CCNJL: variants seen among roughly 807,000 people sequenced by gnomAD.
The protein encoded by CCNJL is cyclin-J-like protein.
CCNJL carries 33 observed loss-of-function variants against 33.4 expected under a neutral mutation model. The ratio of observed to expected loss-of-function variants is 0.99; its 90% CI spans 0.75 to 1.32. CCNJL has a LOEUF of 1.32. CCNJL is among the 40% of genes most tolerant of loss of function. The pLI, the probability that CCNJL is intolerant of heterozygous loss-of-function variation, is 0.00. For missense variants in CCNJL, 512 were observed against 499.7 expected (o/e 1.02, Z -0.23); for synonymous variants, 227 against 220.9 (o/e 1.03, Z -0.24).
intron 1 of CCNJL, among the ~76,000 whole-genome samples, chr5:160,321,531 C>T (rs554192638): frequency 1.8e-4 from 28 of 152,312 alleles, no homozygotes; most frequent in African/African-American, 5.8e-4. Flanking sequence ...CGGTCGCAGC[C>T]GCTCAGCTGA....
chr5:160,291,886 T>C (rs1047965839), intron 2 of CCNJL, among the ~76,000 whole-genome samples: 4 of 152,116 alleles, frequency 2.6e-5, no homozygotes, highest in Non-Finnish European at 5.9e-5. Flanking sequence ...TTATATATTA[T>C]GTATATAATA....
intron 3 of CCNJL, among the ~76,000 whole-genome samples, chr5:160,267,189 C>T (rs937958207): frequency 6.6e-6 from 1 of 152,154 alleles, no homozygotes; most frequent in Admixed American, 6.5e-5. Context: ...TGCTGGCAGA[C>T]CCTGGACCAC....
chr5:160,269,061 G>T (rs186098456), intron 3 of CCNJL, among the ~76,000 whole-genome samples: 6 of 152,358 alleles, frequency 3.9e-5, no homozygotes, highest in Non-Finnish European at 7.3e-5. Flanking sequence ...TTTAAAAAGA[G>T]ACCAGAGGTG....
At chr5:160,285,558 T>C (rs1052399770) in intron 2 of CCNJL, among the ~76,000 whole-genome samples, 5 of 151,906 alleles carry the variant, frequency 3.3e-5, no homozygotes, top group Non-Finnish European at 7.4e-5. Context: ...CTCTACAGAG[T>C]AGCAAGTCCA....
intron 3 of CCNJL, chr5:160,261,109 C>T (rs1490241212): frequency 1.3e-5 from 2 of 152,420 alleles, no homozygotes; most frequent in Non-Finnish European, 2.9e-5. Flanking sequence ...GCCTCTGACC[C>T]AGTTCCCATC....
chr5:160,314,374 A>G (rs1409204106), upstream of CCNJL, among the ~76,000 whole-genome samples: 1 of 152,250 alleles, frequency 6.6e-6, no homozygotes, highest in Non-Finnish European at 1.5e-5. Flanking sequence ...TTGTTGGGAC[A>G]AGTATAAACG....
chr5:160,253,781 A>G lies in CCNJL; in HGVS notation c.761T>C (p.Leu254Pro), dbSNP rs1371047965. Residue 254 changes from leucine (L) to proline (P), a missense_variant, in exon 6 of 6, where the codon CTC (leucine) becomes CCC (proline). Coordinates refer to ENST00000257536, the MANE Select transcript of CCNJL (RefSeq NM_001308173.3). ...EILLVVYDNV[L>P]KDAVAVKSQA... ...GCTCTTGACGGCTACGGCATCCTTG[A>G]GGACGTTGTCATACACTCTGAAACG... 6.6e-7 allele frequency: 1 copy of G among 1,519,492 alleles called. No homozygotes were observed. 94.1% of individuals were successfully genotyped at this position (1,519,492 alleles called of 1,614,324 possible).
intron 1 of CCNJL, among the ~76,000 whole-genome samples, chr5:160,331,494 G>A (rs1266706898): frequency 6.6e-6 from 1 of 152,086 alleles, no homozygotes; most frequent in East Asian, 1.9e-4. Flanking sequence ...AAAGTCCTGG[G>A]ATTACAGGCG....
intron 1 of CCNJL, among the ~76,000 whole-genome samples, chr5:160,334,404 A>AT (rs1763657418): frequency 6.6e-6 from 1 of 152,260 alleles, no homozygotes; most frequent in Non-Finnish European, 1.5e-5. Context: ...ATACAAATCC[A>AT]TGCCGATGGC....
intron 2 of CCNJL, among the ~76,000 whole-genome samples, chr5:160,305,930 T>C (rs1240797692): frequency 6.6e-6 from 1 of 152,172 alleles, no homozygotes; most frequent in Non-Finnish European, 1.5e-5. Flanking sequence ...TTTTGGAAGA[T>C]CTTTGCATAG....
intron 3 of CCNJL, among the ~76,000 whole-genome samples, chr5:160,267,941 G>C (rs1761676052): frequency 6.6e-6 from 1 of 152,140 alleles, no homozygotes. Flanking sequence ...TTCCACTAAA[G>C]AGCTATATGA....
intron 4 of CCNJL, 67 bp downstream of exon 4, chr5:160,259,402 G>A (rs911127572): frequency 1.0e-4 from 150 of 1,478,116 alleles, no homozygotes; most frequent in Middle Eastern, 2.4e-4. Flanking sequence ...TTTTAGAGCC[G>A]CCTGACCCCG....
At chr5:160,261,945 T>C (rs749726308) in intron 3 of CCNJL, among the ~76,000 whole-genome samples, 4 of 152,172 alleles carry the variant, frequency 2.6e-5, no homozygotes, top group South Asian at 2.1e-4. Context: ...AATGAATGAA[T>C]AGTCCTCTCA....
At chr5:160,292,481 C>T (rs1561796791) in intron 2 of CCNJL, among the ~76,000 whole-genome samples, 1 of 151,946 alleles carries the variant, frequency 6.6e-6, no homozygotes, top group Non-Finnish European at 1.5e-5. Context: ...ATTAGCCGGG[C>T]ATGGTGGTGA....
intron 1 of CCNJL, chr5:160,326,923 A>G: frequency 3.1e-6 from 2 of 649,798 alleles, no homozygotes; most frequent in Non-Finnish European, 3.0e-6. Context: ...ACCGAGTCGG[A>G]TCATGCTAAA....
rs944999942 is a variant in CCNJL at position 160,251,544 on chromosome 5, G to C, written c.*1834C>G. 6.6e-6 allele frequency: 1 copy of C among 152,288 alleles called. No individual in the cohort carries two copies. Among genetic ancestry groups the C allele is most frequent in the African/African-American group, 2.4e-5 (1 of 41,450 alleles). 9.4% of individuals were successfully genotyped at this position (152,288 alleles called of 1,614,324 possible). ...GGCAGGACTCAGCTCCCGAGGTCTTGCTGCTGCCCCCAATATTCCACCCTC... is the reference window on the plus strand; with the variant it reads ...GGCAGGACTCAGCTCCCGAGGTCTTCCTGCTGCCCCCAATATTCCACCCTC... On this transcript the variant is annotated 3_prime_UTR_variant, in exon 6 of 6. Coordinates refer to ENST00000257536, the MANE Select transcript of CCNJL (RefSeq NM_001308173.3).
intron 3 of CCNJL, among the ~76,000 whole-genome samples, chr5:160,279,496 T>C (rs1462216457): frequency 6.6e-6 from 1 of 152,222 alleles, no homozygotes; most frequent in African/African-American, 2.4e-5. Flanking sequence ...GCCAAGCTCC[T>C]TTCCATCCCT....
intron 2 of CCNJL, chr5:160,281,088 T>C (rs2113353736): frequency 2.8e-6 from 1 of 359,882 alleles, no homozygotes; most frequent in African/African-American, 2.1e-5. Flanking sequence ...TAGGGTCTGG[T>C]CTGAAGTAAC....
At chr5:160,326,703 A>G in intron 1 of CCNJL, 4 of 916,290 alleles carry the variant, frequency 4.4e-6, no homozygotes, top group Non-Finnish European at 5.4e-6. Flanking sequence ...ATGGCATACC[A>G]TGGCCAGGGC....
Sources: gnomAD v4.1 joint callset for allele counts (sites outside exome capture counted in the v4.1 genomes callset) on GRCh38, gnomAD v4.1.1 for gene constraint, MANE v1.5 for transcripts, NCBI Gene and HGNC (gene_info 2026-07-23, HGNC 2026-07-21) for gene names.